The following FERMT3 variants were observed in gnomAD, a reference collection of about 807,000 sequenced individuals.
FERMT3 encodes fermitin family homolog 3.
FERMT3 carries 33 observed loss-of-function variants against 80.8 expected under a neutral mutation model. The ratio of observed to expected loss-of-function variants is 0.41; its 90% CI spans 0.31 to 0.55. FERMT3 has a LOEUF of 0.55. FERMT3 is among the 20% of genes least tolerant of loss of function. FERMT3 has a pLI of 0.31. For synonymous variants in FERMT3, 375 were observed against 372.2 expected (o/e 1.01, Z -0.09); for missense variants, 754 against 908.7 (o/e 0.83, Z 2.19).
chr11:64,216,112 G>A (rs1042974818), intron 6 of FERMT3, among the ~76,000 whole-genome samples: 11 of 151,800 alleles, frequency 7.2e-5, no homozygotes, highest in African/African-American at 2.2e-4. Context: ...GATTACACGC[G>A]TGAGCCACTG....
chr11:64,215,598 G>T (rs114488720), intron 6 of FERMT3, among the ~76,000 whole-genome samples: 1,721 of 152,060 alleles, frequency 0.011, 36 homozygotes, highest in African/African-American at 0.04. Context: ...TTTAGAGATG[G>T]GGTCTCGCTC....
Position 64,223,474 on chromosome 11 carries a change from G to A in FERMT3, c.1974G>A (p.Gly658=), listed in dbSNP as rs1320080637. 4 of 1,610,446 alleles carry A rather than the reference G, an allele frequency of 2.5e-6. No homozygotes were observed. The highest frequency in any genetic ancestry group is 3.4e-6 in the Non-Finnish European group (4 of 1,179,890). ...AAGACCTCTTCCTGCAGCTCACCGG[G>A]GGCCATGAGGCCTTCTGAGGGCTGT... is the stretch of plus-strand genomic sequence containing the variant. ...LDEDLFLQLT[G]GHEAF The change falls in exon 15 of 15, where the codon GGG becomes GGA. Residue 658 remains glycine (G), a synonymous_variant. Transcript: ENST00000345728.
In FERMT3 at chr11:64,219,687, G is replaced by GCA; in HGVS notation, c.1029+30_1029+31dup. 6.2e-7 allele frequency: 1 copy of GCA among 1,613,938 alleles called. No individual in the cohort carries two copies. The highest frequency in any genetic ancestry group is 8.5e-7 in the Non-Finnish European group (1 of 1,180,004). Reference sequence around the variant, plus strand: ...AGGAGGGGCTCAGGGCAGGGGCTGGGCAGGGAGAACTGTGAGGTACCGGGT... The same window carrying GCA: ...AGGAGGGGCTCAGGGCAGGGGCTGGGCACAGGGAGAACTGTGAGGTACCGGGT... On this transcript the variant is annotated intron_variant, in intron 8 of 14. Transcript: ENST00000345728. This position sits in a 1 kb window ranked among gnomAD's most constrained non-coding sequence, Gnocchi z 4.0.
At position 64,223,609 on chromosome 11, in the gene FERMT3, C is replaced by G; in HGVS notation, c.*117C>G. ...CAGGCAGGCACCCAGCTGGGCATTTCACCTGCTGTCACTGACTTTGTGCAG... is the reference window on the plus strand; with the variant it reads ...CAGGCAGGCACCCAGCTGGGCATTTGACCTGCTGTCACTGACTTTGTGCAG... On this transcript the variant is annotated 3_prime_UTR_variant, in exon 15 of 15. Transcript: ENST00000345728. The G allele has an allele frequency of 8.2e-7, 1 of 1,220,794 alleles. No individual in the cohort carries two copies. 75.6% of individuals were successfully genotyped at this position (1,220,794 alleles called of 1,614,324 possible).
Position 64,207,576 on chromosome 11 carries a change from G to A in FERMT3, c.160+52G>A, listed in dbSNP as rs1033292454. The A allele has an allele frequency of 8.3e-6, 13 of 1,564,896 alleles. No individual in the cohort carries two copies. In the Middle Eastern group the frequency reaches 6.7e-4, roughly 81 times the overall value. ...ACTCGGCACCATGGGCGGCCGCCAC[G>A]GGTGTCTCTGGGCACTTCCGGGCCA... is the stretch of plus-strand genomic sequence containing the variant. On this transcript the variant is annotated intron_variant, in intron 2 of 14. Coordinates refer to ENST00000345728, the MANE Select transcript of FERMT3 (RefSeq NM_031471.6).
rs549620523 is a variant in FERMT3 at position 64,220,576 on chromosome 11, C to G, written c.1452C>G (p.Gly484=). The change falls in exon 12 of 15, where the codon GGC becomes GGG. Residue 484 remains glycine, a synonymous_variant. Coordinates refer to ENST00000345728, the MANE Select transcript of FERMT3 (RefSeq NM_031471.6). ...SLQRTGSGGP[G]NHPHGPDASA... is the part of the protein sequence containing the mutation. ...AGCGCACGGGCAGTGGGGGCCCGGG[C>G]AACCACCCCCACGGCCCTGATGCCT... is the stretch of plus-strand genomic sequence containing the variant. The G allele has an allele frequency of 6.2e-7, 1 of 1,608,274 alleles. No individual in the cohort carries two copies. The highest frequency in any genetic ancestry group is 8.5e-7 in the Non-Finnish European group (1 of 1,177,818).
intron 14 of FERMT3, 55 bp from the exon 15 acceptor site, chr11:64,223,258 G>A (rs1565299289): frequency 6.2e-7 from 1 of 1,612,918 alleles, no homozygotes; most frequent in African/African-American, 1.3e-5. Flanking sequence ...GCCAGGGTGG[G>A]GCAGGGGCTG....
At position 64,211,589 on chromosome 11, in the gene FERMT3, C is replaced by T. The variant is rs1338809995; in HGVS notation, c.684-56C>T. The T allele has an allele frequency of 1.3e-6, 2 of 1,579,800 alleles. No homozygotes were observed. Among genetic ancestry groups the T allele is most frequent in the Non-Finnish European group, 1.7e-6 (2 of 1,161,130 alleles). On this transcript the variant is annotated intron_variant, in intron 5 of 14. Coordinates refer to ENST00000345728, the MANE Select transcript of FERMT3 (RefSeq NM_031471.6). The surrounding 1 kb of genome is among the most constrained non-coding windows in gnomAD (Gnocchi z 4.7). ...TTGTCCCCCCAGCCCAGCCCCCCTC[C>T]CCACCCCACGGCCGTACCTGGCGCA...
At position 64,219,387 on chromosome 11, in the gene FERMT3, C is replaced by T. The variant is rs533761429; in HGVS notation, c.894+29C>T. On this transcript the variant is annotated intron_variant, in intron 7 of 14. Coordinates refer to ENST00000345728, the MANE Select transcript of FERMT3 (RefSeq NM_031471.6). This position sits in a 1 kb window ranked among gnomAD's most constrained non-coding sequence, Gnocchi z 4.0. ...CCAGGCGGGCCTGGGGGCACCAGGG[C>T]AGGTGGGAGGTGAGCCAGTCCCAGG... 11 of 1,574,348 alleles carry T rather than the reference C, an allele frequency of 7.0e-6. No individual in the cohort carries two copies. The South Asian group carries it at 1.0e-4, about 15-fold the overall frequency.
At position 64,211,555 on chromosome 11, in the gene FERMT3, T is replaced by C; in HGVS notation, c.684-90T>C. 1 of 1,505,960 alleles carries C rather than the reference T, an allele frequency of 6.6e-7. No individual in the cohort carries two copies. The highest frequency in any genetic ancestry group is 9.0e-7 in the Non-Finnish European group (1 of 1,112,366). 93.3% of individuals were successfully genotyped at this position (1,505,960 alleles called of 1,614,324 possible). A position where few individuals can be genotyped will look rare whatever the true frequency, so the allele number is the denominator to read the frequency against. Reference sequence around the variant, plus strand: ...ACACTTCGTTTCCAGGCCTTTTCTCTGTGTGTGCTTGTCCCCCCAGCCCAG... The same window carrying C: ...ACACTTCGTTTCCAGGCCTTTTCTCCGTGTGTGCTTGTCCCCCCAGCCCAG... On this transcript the variant is annotated intron_variant, in intron 5 of 14. Coordinates refer to ENST00000345728, the MANE Select transcript of FERMT3 (RefSeq NM_031471.6). The surrounding 1 kb of genome is among the most constrained non-coding windows in gnomAD (Gnocchi z 4.7).
chr11:64,223,566 A>G lies in FERMT3; in HGVS notation c.*74A>G. ...CCCAAGCCCACACCCACAGGGGCTC[A>G]CTGCCCCACACCCGCTCCAGGCAGG... On this transcript the variant is annotated 3_prime_UTR_variant, in exon 15 of 15. Transcript: ENST00000345728. The G allele has an allele frequency of 1.3e-6, 2 of 1,494,808 alleles. No individual in the cohort carries two copies. The highest frequency in any genetic ancestry group is 1.4e-5 in the African/African-American group (1 of 72,604). 92.6% of individuals were successfully genotyped at this position (1,494,808 alleles called of 1,614,324 possible).
intron 6 of FERMT3, among the ~76,000 whole-genome samples, chr11:64,214,631 G>A (rs1289150196): frequency 1.3e-5 from 2 of 152,034 alleles, no homozygotes; most frequent in Non-Finnish European, 2.9e-5. Flanking sequence ...ACAGGCGTGA[G>A]CCACCATGCC....
intron 6 of FERMT3, among the ~76,000 whole-genome samples, chr11:64,216,834 C>A (rs1353006454): frequency 2.7e-5 from 4 of 150,794 alleles, no homozygotes; most frequent in Non-Finnish European, 5.9e-5. Flanking sequence ...TGCCACCATG[C>A]CCAGCTAATT....
rs1322657773 is a variant in FERMT3 at position 64,206,770 on chromosome 11, T to A, written c.-59T>A. On this transcript the variant is annotated 5_prime_UTR_variant, in exon 1 of 15. Coordinates refer to ENST00000345728, the MANE Select transcript of FERMT3 (RefSeq NM_031471.6). ...GCAGGAAGCCCACGGCCCACAGGGG[T>A]GTAGCCCGAGACCCACCTGCAGCCC... 6.5e-6 allele frequency: 1 copy of A among 153,906 alleles called. No individual in the cohort carries two copies. The highest frequency in any genetic ancestry group is 2.4e-5 in the African/African-American group (1 of 41,424). 9.5% of individuals were successfully genotyped at this position (153,906 alleles called of 1,614,324 possible).
rs1023341207 is a variant in FERMT3 at position 64,211,958 on chromosome 11, T to TGCG, written c.786+213_786+214insGGC. ...GGCCAGGTCCTGGGCCCCGGGCAGA[T>TGCG]GCTGAAGCGGATGAAGACCAGTAAG... is the stretch of plus-strand genomic sequence containing the variant. On this transcript the variant is annotated intron_variant, in intron 6 of 14. Coordinates refer to ENST00000345728, the MANE Select transcript of FERMT3 (RefSeq NM_031471.6). The surrounding 1 kb of genome is among the most constrained non-coding windows in gnomAD (Gnocchi z 4.7). Among the ~76,000 whole-genome samples the TGCG allele has an allele frequency of 1.3e-5, 2 of 152,246 alleles. No individual in the cohort carries two copies. Among genetic ancestry groups the TGCG allele is most frequent in the Non-Finnish European group, 2.9e-5 (2 of 68,046 alleles).
chr11:64,221,976 C>T (rs1249922728), intron 13 of FERMT3, among the ~76,000 whole-genome samples: 1 of 151,588 alleles, frequency 6.6e-6, no homozygotes, highest in Non-Finnish European at 1.5e-5. Context: ...CGGTGGTTCA[C>T]GTCTGTAATC....
In FERMT3 at chr11:64,211,735, T is replaced by C. The variant is rs750664495; in HGVS notation, c.774T>C (p.Asp258=). The change falls in exon 6 of 15, where the codon GAT becomes GAC. Residue 258 remains aspartate (D), a synonymous_variant. Coordinates refer to ENST00000345728, the MANE Select transcript of FERMT3 (RefSeq NM_031471.6). This position sits in a 1 kb window ranked among gnomAD's most constrained non-coding sequence, Gnocchi z 4.7. ...GCTTCAAGTACTACAGCTTCTTCGA[T>C]TTGGATCCCAAGGTGGGTCGGGGCA... ...WLRFKYYSFF[D]LDPKTDPVRL... is the part of the protein sequence containing the mutation. 2.5e-6 allele frequency: 4 copies of C among 1,613,958 alleles called. No homozygotes were observed. The highest frequency in any genetic ancestry group is 3.4e-6 in the Non-Finnish European group (4 of 1,180,002).
rs1946442723 is a variant in FERMT3 at position 64,211,642 on chromosome 11, C to T, written c.684-3C>T. On this transcript the variant is annotated splice_region_variant and splice_polypyrimidine_tract_variant and intron_variant, in intron 5 of 14. Coordinates refer to ENST00000345728, the MANE Select transcript of FERMT3 (RefSeq NM_031471.6). The surrounding 1 kb of genome is among the most constrained non-coding windows in gnomAD (Gnocchi z 4.7). ...CCTGACTGCTGCTTCTGCCGCGGCCCAGGTGGCTGGACTCGTCGCGGTGTC... is the reference window on the plus strand; with the variant it reads ...CCTGACTGCTGCTTCTGCCGCGGCCTAGGTGGCTGGACTCGTCGCGGTGTC... 2 of 1,613,820 alleles carry T rather than the reference C, an allele frequency of 1.2e-6. No homozygotes were observed. Among genetic ancestry groups the T allele is most frequent in the African/African-American group, 2.7e-5 (2 of 75,058 alleles).
At chr11:64,220,149 A>G in intron 10 of FERMT3, 71 bp from the exon 11 acceptor site, 1 of 1,567,740 alleles carries the variant, frequency 6.4e-7, no homozygotes, top group Non-Finnish European at 8.8e-7. Context: ...GGTGTGGGCT[A>G]GGATGCACTC....
Sources: allele counts gnomAD v4.1 joint callset (sites outside exome capture counted in the v4.1 genomes callset), GRCh38; gene constraint gnomAD v4.1.1; non-coding constraint Gnocchi (gnomAD v3.1); transcripts MANE v1.5; gene names NCBI Gene and HGNC (gene_info 2026-07-23, HGNC 2026-07-21).